The following NUMA1 variants were observed in gnomAD, a reference collection of about 807,000 sequenced individuals.
The protein encoded by NUMA1 is SP-H antigen.
Under a neutral mutation model 237.1 loss-of-function variants are expected in NUMA1, and 62 were observed. The ratio of observed to expected loss-of-function variants is 0.26; its 90% CI spans 0.21 to 0.32. The LOEUF is 0.32. NUMA1 is among the 10% of genes least tolerant of loss of function. The pLI is 1.00. For missense variants in NUMA1, 2,533 were observed against 2,666.5 expected (o/e 0.95, Z 1.10); for synonymous variants, 1,028 against 1,066.1 (o/e 0.96, Z 0.70).
rs757741335 is a variant in NUMA1 at position 72,014,481 on chromosome 11, G to A, written c.3022C>T (p.Arg1008Trp). ...GCACGGCCCCGCTCCTGGGTCAGCC[G>A]CGCCACCTCCCTTTCCTGCTGCCCA... ...ERGQQEREVA[R>W]LTQERGRAQA... Residue 1008 changes from arginine (R) to tryptophan (W), a missense_variant, in exon 15 of 27, where the codon CGG becomes TGG. Arg to Trp is a moderately radical substitution (Grantham distance 101). This residue lies in a region of NUMA1 where 1,414 missense variants were observed against 1,508.1 expected (regional missense o/e 0.94). Coordinates refer to ENST00000393695, the MANE Select transcript of NUMA1 (RefSeq NM_006185.4). This position sits in a 1 kb window ranked among gnomAD's most constrained non-coding sequence, Gnocchi z 4.6. 15 of 1,602,482 alleles carry A rather than the reference G, an allele frequency of 9.4e-6. No individual in the cohort carries two copies. The highest frequency in any genetic ancestry group is 2.2e-5 in the East Asian group (1 of 44,868).
rs1054126438 is a variant in NUMA1 at position 72,005,958 on chromosome 11, C to CT, written c.5692+76dup. The CT allele has an allele frequency of 4.8e-6, 6 of 1,250,176 alleles. No individual in the cohort carries two copies. The South Asian group carries it at 5.7e-5, about 12-fold the overall frequency. The allele number at this position is 1,250,176 out of a possible 1,614,324, so 77.4% of individuals were successfully genotyped here. A position where few individuals can be genotyped will look rare whatever the true frequency, so the allele number is the denominator to read the frequency against. On this transcript the variant is annotated intron_variant, in intron 22 of 26. Transcript: ENST00000393695. ...AGGCCAGCCTTGGATTTTTAAAAAG[C>CT]TTTCCTCTTTTCCCTGTGCCACGAT... is the stretch of plus-strand genomic sequence containing the variant.
intron 2 of NUMA1, among the ~76,000 whole-genome samples, chr11:72,060,497 G>A (rs1408837911): frequency 6.6e-6 from 1 of 152,086 alleles, no homozygotes; most frequent in Non-Finnish European, 1.5e-5. Context: ...TAGAAAAATA[G>A]CCAGTTGTGG....
At chr11:72,031,420 G>A (rs1007622432) in intron 3 of NUMA1, among the ~76,000 whole-genome samples, 2 of 152,136 alleles carry the variant, frequency 1.3e-5, no homozygotes, top group African/African-American at 4.8e-5. Flanking sequence ...ATGCACTATA[G>A]AATTAAGAGG....
chr11:72,054,330 C>T (rs557510446), intron 2 of NUMA1, among the ~76,000 whole-genome samples: 4 of 151,834 alleles, frequency 2.6e-5, no homozygotes, highest in South Asian at 2.1e-4. Flanking sequence ...TAGCCGGGCA[C>T]GGTGGCAGGC....
intron 2 of NUMA1, among the ~76,000 whole-genome samples, chr11:72,050,158 G>A (rs989222737): frequency 6.6e-6 from 1 of 152,134 alleles, no homozygotes; most frequent in African/African-American, 2.4e-5. Context: ...GAACTACAAG[G>A]CAGCTTTTCA....
chr11:72,013,315 C>T lies in NUMA1; in HGVS notation c.4188G>A (p.Arg1396=), dbSNP rs199514945. The T allele has an allele frequency of 1.2e-6, 2 of 1,605,370 alleles. No homozygotes were observed. The highest frequency in any genetic ancestry group is 2.2e-5 in the East Asian group (1 of 44,888). The stretch of plus-strand genomic sequence containing the variant: ...CCCGCTGGGCCCGCAGCAGCTCTGC[C>T]CGCAGTCCCCCAGCGGCCTGCTTGC... ...EQSKQAAGGL[R]AELLRAQREL... Residue 1396 remains arginine, a synonymous_variant, in exon 15 of 27, where the codon CGG becomes CGA. Transcript: ENST00000393695. This position sits in a 1 kb window ranked among gnomAD's most constrained non-coding sequence, Gnocchi z 6.8.
intron 12 of NUMA1, 69 bp from the exon 13 acceptor site, chr11:72,017,896 C>A: frequency 6.4e-7 from 1 of 1,550,990 alleles, no homozygotes; most frequent in African/African-American, 1.4e-5. Context: ...TGTCTGCTCC[C>A]AGAACCCCAG....
chr11:72,023,272 T>TA lies in NUMA1; in HGVS notation c.209-126dup. The TA allele has an allele frequency of 5.7e-6, 4 of 707,378 alleles. No homozygotes were observed. The Admixed American group carries it at 8.4e-5, about 15-fold the overall frequency. 43.8% of individuals were successfully genotyped at this position (707,378 alleles called of 1,614,324 possible). A position where few individuals can be genotyped will look rare whatever the true frequency, so the allele number is the denominator to read the frequency against. Reference sequence around the variant, plus strand: ...TGGGGCTATGAGATGTAGGCCTCCTTACTCCTATGGCCTCTTTCCCCTGCC... The same window carrying TA: ...TGGGGCTATGAGATGTAGGCCTCCTTAACTCCTATGGCCTCTTTCCCCTGCC... On this transcript the variant is annotated intron_variant, in intron 5 of 26. Coordinates refer to ENST00000393695, the MANE Select transcript of NUMA1 (RefSeq NM_006185.4).
chr11:72,033,778 T>C lies in NUMA1; in HGVS notation c.42+2124A>G, dbSNP rs570370817. On this transcript the variant is annotated intron_variant, in intron 3 of 26. Transcript: ENST00000393695. ...GCTCATGCCTACAATCCTAACACTTTGGGAGGTCAAGGCGGGTGGATCACT... is the reference window on the plus strand; with the variant it reads ...GCTCATGCCTACAATCCTAACACTTCGGGAGGTCAAGGCGGGTGGATCACT... Among the ~76,000 whole-genome samples, 11 of 152,248 alleles carry C rather than the reference T, an allele frequency of 7.2e-5. No individual in the cohort carries two copies. The South Asian group carries it at 2.3e-3, about 32-fold the overall frequency.
At chr11:72,056,635 T>TTAAAAAAAAA (rs1281316084) in intron 2 of NUMA1, among the ~76,000 whole-genome samples, 14 of 76,000 alleles carry the variant, frequency 1.8e-4, no homozygotes, top group African/African-American at 8.4e-4. Context: ...CCCATCTCTT[T>TTAAAAAAAAA]AAAAAAAAAA....
chr11:72,017,797 G>C lies in NUMA1; in HGVS notation c.1009C>G (p.Leu337Val). 6.2e-7 allele frequency: 1 copy of C among 1,608,994 alleles called. No individual in the cohort carries two copies. Among genetic ancestry groups the C allele is most frequent in the African/African-American group, 1.3e-5 (1 of 74,962 alleles). ...LREFASHLQQ[L>V]QDALNELTEE... ...GTCAGCTCATTGAGGGCATCCTGTA[G>C]CTGCTGCAGATGACTGGCAAACTCC... Residue 337 changes from leucine to valine, a missense_variant, in exon 13 of 27, where the codon CTA becomes GTA. Physicochemically the swap from Leu to Val is conservative, Grantham distance 32. Transcript: ENST00000393695.
At chr11:72,031,521 G>A (rs992506858) in intron 3 of NUMA1, among the ~76,000 whole-genome samples, 6 of 152,120 alleles carry the variant, frequency 3.9e-5, no homozygotes, top group Non-Finnish European at 7.4e-5. Flanking sequence ...TAGGCCAGGC[G>A]CAGTGGCCCA....
intron 2 of NUMA1, among the ~76,000 whole-genome samples, chr11:72,056,635 T>TTAAAAAAAAAAA (rs1281316084): frequency 3.9e-5 from 3 of 76,008 alleles, no homozygotes; most frequent in African/African-American, 1.9e-4. Context: ...CCCATCTCTT[T>TTAAAAAAAAAAA]AAAAAAAAAA....
At chr11:72,007,957 T>C in intron 20 of NUMA1, 3 of 377,706 alleles carry the variant, frequency 7.9e-6, no homozygotes, top group Non-Finnish European at 1.6e-5. Flanking sequence ...CAGAGGAAGA[T>C]GAGTGGTGAC....
At chr11:72,007,866 C>T (rs10736785) in intron 20 of NUMA1, 7 of 346,056 alleles carry the variant, frequency 2.0e-5, no homozygotes, top group African/African-American at 1.3e-4. Flanking sequence ...CTGAACAGCT[C>T]CTAACCACAC....
chr11:72,051,088 T>C (rs1288099398), intron 2 of NUMA1, among the ~76,000 whole-genome samples: 2 of 152,074 alleles, frequency 1.3e-5, no homozygotes, highest in Admixed American at 1.3e-4. Flanking sequence ...GAAGTCTCGC[T>C]ATGTTGCCTA....
intron 8 of NUMA1, among the ~76,000 whole-genome samples, chr11:72,019,907 C>G (rs1180890419): frequency 6.6e-6 from 1 of 152,142 alleles, no homozygotes; most frequent in Non-Finnish European, 1.5e-5. Flanking sequence ...GCACCAAGTG[C>G]TCAAGCTTTT....
At chr11:72,018,091 G>T in intron 12 of NUMA1, 92 bp downstream of exon 12, 2 of 1,046,308 alleles carry the variant, frequency 1.9e-6, no homozygotes, top group African/African-American at 1.6e-5. Flanking sequence ...TAAGACAGGT[G>T]CTGGGACATT....
At position 72,013,302 on chromosome 11, in the gene NUMA1, GCAGCAGCTCTGCCCGCAGTCCCC is replaced by G; in HGVS notation, c.4178_4200del (p.Gly1393AlafsTer56). On this transcript the variant is annotated frameshift_variant, in exon 15 of 27. Transcript: ENST00000393695. LOFTEE classifies it high-confidence loss of function. This position sits in a 1 kb window ranked among gnomAD's most constrained non-coding sequence, Gnocchi z 6.8. ...AGCTCCCCAAGCTCCCGCTGGGCCC[GCAGCAGCTCTGCCCGCAGTCCCC>G]CAGCGGCCTGCTTGCTCTGCTCCAG... is the stretch of plus-strand genomic sequence containing the variant. The G allele has an allele frequency of 6.2e-7, 1 of 1,604,626 alleles. No homozygotes were observed. Among genetic ancestry groups the G allele is most frequent in the Non-Finnish European group, 8.5e-7 (1 of 1,179,746 alleles).
Sources: allele counts gnomAD v4.1 joint callset (sites outside exome capture counted in the v4.1 genomes callset), GRCh38; gene constraint gnomAD v4.1.1; regional missense constraint gnomAD v4.1.1; non-coding constraint Gnocchi (gnomAD v3.1); transcripts MANE v1.5; gene names NCBI Gene and HGNC (gene_info 2026-07-23, HGNC 2026-07-21).